The following NRCAM variants were observed in gnomAD, a reference collection of about 807,000 sequenced individuals.
NRCAM encodes NgCAM-related cell adhesion molecule.
NRCAM carries 83 observed loss-of-function variants against 156.5 expected under a neutral mutation model. The ratio of observed to expected loss-of-function variants is 0.53; its 90% CI spans 0.44 to 0.64. The LOEUF (loss-of-function observed/expected upper bound fraction) is 0.64, where lower values mean the gene tolerates loss of function less well. NRCAM is among the 30% of genes least tolerant of loss of function. NRCAM has a pLI of 0.00. For missense variants in NRCAM, 1,417 were observed against 1,597.3 expected (o/e 0.89, Z 1.92); for synonymous variants, 538 against 563.9 (o/e 0.95, Z 0.65).
intron 2 of NRCAM, among the ~76,000 whole-genome samples, chr7:108,359,167 A>G (rs2099530891): frequency 6.6e-6 from 1 of 152,168 alleles, no homozygotes; most frequent in African/African-American, 2.4e-5. Flanking sequence ...CTATTCATCC[A>G]TTCATCCATC....
chr7:108,414,903 T>C (rs1001620801), intron 1 of NRCAM, among the ~76,000 whole-genome samples: 40 of 151,860 alleles, frequency 2.6e-4, no homozygotes, highest in African/African-American at 8.7e-4. Context: ...CTGAAGGACA[T>C]TGGGTTTCCC....
chr7:108,159,283 A>G (rs201499205), intron 32 of NRCAM, 180 bp downstream of exon 32: 26 of 741,252 alleles, frequency 3.5e-5, no homozygotes, highest in Non-Finnish European at 5.9e-5. Context: ...TAGTTTTTCA[A>G]TGAAAAATGA....
intron 3 of NRCAM, among the ~76,000 whole-genome samples, chr7:108,310,500 T>C (rs2098788418): frequency 6.6e-6 from 1 of 152,192 alleles, no homozygotes; most frequent in South Asian, 2.1e-4. Flanking sequence ...GGGATGGGCC[T>C]GAGAGTTTGC....
At chr7:108,275,051 C>T (rs951294824) in intron 3 of NRCAM, among the ~76,000 whole-genome samples, 3 of 152,080 alleles carry the variant, frequency 2.0e-5, no homozygotes, top group Non-Finnish European at 2.9e-5. Context: ...TATTGATTTG[C>T]GTATGTTGAA....
chr7:108,435,960 G>A lies in NRCAM; in HGVS notation c.-332+20283C>T, dbSNP rs375079170. On this transcript the variant is annotated intron_variant, in intron 1 of 32. Transcript: ENST00000379028. ...ATCCTGGCTAACAAGGTAAAACCCC[G>A]TTTCTACTGAAAATACAAAAAAAAT... Among the ~76,000 whole-genome samples the A allele has an allele frequency of 3.9e-5, 6 of 152,198 alleles. No homozygotes were observed. In the East Asian group the frequency reaches 1.2e-3, roughly 30 times the overall value.
At chr7:108,387,297 T>C (rs1435897259) in intron 2 of NRCAM, among the ~76,000 whole-genome samples, 1 of 152,124 alleles carries the variant, frequency 6.6e-6, no homozygotes, top group Non-Finnish European at 1.5e-5. Context: ...AAATTGCAAG[T>C]GATGCATCTT....
chr7:108,335,360 A>T (rs535369036), intron 2 of NRCAM, among the ~76,000 whole-genome samples: 9 of 151,870 alleles, frequency 5.9e-5, no homozygotes, highest in African/African-American at 1.7e-4. Flanking sequence ...AAATAAAGAG[A>T]AGATAAGAGA....
At chr7:108,414,235 T>C (rs993343860) in intron 1 of NRCAM, among the ~76,000 whole-genome samples, 1 of 152,194 alleles carries the variant, frequency 6.6e-6, no homozygotes, top group African/African-American at 2.4e-5. Flanking sequence ...CAAAGTACAG[T>C]GTGATCCCAA....
chr7:108,269,505 A>C lies in NRCAM; in HGVS notation c.-106-29335T>G, dbSNP rs1427009030. Among the ~76,000 whole-genome samples the C allele has an allele frequency of 3.9e-5, 6 of 152,248 alleles. No homozygotes were observed. In the East Asian group the frequency reaches 1.2e-3, roughly 29 times the overall value. On this transcript the variant is annotated intron_variant, in intron 3 of 32. Transcript: ENST00000379028. ...TCACCTTTCATCCAAGTCACGCAGA[A>C]GGAAGGGTCTCACTGGGAGGGAAAG...
At chr7:108,350,348 G>GT (rs1554543013) in intron 2 of NRCAM, among the ~76,000 whole-genome samples, 2 of 152,166 alleles carry the variant, frequency 1.3e-5, no homozygotes, top group Non-Finnish European at 2.9e-5. Context: ...TTCCTTCTCT[G>GT]TAAGTATCTG....
chr7:108,401,835 T>A (rs1470624597), intron 1 of NRCAM, among the ~76,000 whole-genome samples: 1 of 152,238 alleles, frequency 6.6e-6, no homozygotes, highest in Non-Finnish European at 1.5e-5. Flanking sequence ...TGCTCTGCCC[T>A]GATATCTACT....
intron 1 of NRCAM, among the ~76,000 whole-genome samples, chr7:108,409,189 A>G (rs1263401862): frequency 3.3e-5 from 5 of 152,194 alleles, no homozygotes; most frequent in Non-Finnish European, 7.3e-5. Flanking sequence ...GAGAAATGTA[A>G]CCTGCAAAAA....
intron 3 of NRCAM, among the ~76,000 whole-genome samples, chr7:108,247,105 G>A (rs1421251441): frequency 6.6e-6 from 1 of 152,066 alleles, no homozygotes; most frequent in East Asian, 1.9e-4. Context: ...TGAGCTCCCA[G>A]CCAAAAATAG....
chr7:108,295,523 C>T (rs1344008825), intron 3 of NRCAM, among the ~76,000 whole-genome samples: 2 of 152,172 alleles, frequency 1.3e-5, no homozygotes, highest in East Asian at 1.9e-4. Flanking sequence ...GACAGCTCCC[C>T]GGGGCCTCTT....
intron 28 of NRCAM, among the ~76,000 whole-genome samples, chr7:108,174,673 G>A (rs1369933460): frequency 6.6e-6 from 1 of 152,230 alleles, no homozygotes; most frequent in East Asian, 1.9e-4. Context: ...AATCCATTGT[G>A]GATTGTTGGC....
In NRCAM at chr7:108,407,461, A is replaced by G. The variant is rs572404286; in HGVS notation, c.-331-7868T>C. Among the ~76,000 whole-genome samples, 38 of 152,330 alleles carry G rather than the reference A, an allele frequency of 2.5e-4. No homozygotes were observed. In the East Asian group the frequency reaches 6.7e-3, roughly 27 times the overall value. The stretch of plus-strand genomic sequence containing the variant: ...TATATGGAGCATTATTCAACTGTGA[A>G]GTTCCATTTCTCTCATCTAAGATTG... On this transcript the variant is annotated intron_variant, in intron 1 of 32. Coordinates refer to ENST00000379028, the MANE Select transcript of NRCAM (RefSeq NM_001037132.4).
intron 3 of NRCAM, among the ~76,000 whole-genome samples, chr7:108,272,467 C>G (rs898775853): frequency 6.6e-6 from 1 of 152,114 alleles, no homozygotes; most frequent in Non-Finnish European, 1.5e-5. Flanking sequence ...CAAACCTGAC[C>G]AGTTGACGAT....
rs981650822 is a variant in NRCAM, at chr7:108,379,882, C to T, written c.-174+19554G>A. Among the ~76,000 whole-genome samples the T allele has an allele frequency of 9.2e-5, 14 of 152,034 alleles. No individual in the cohort carries two copies. In the South Asian group the frequency reaches 2.9e-3, roughly 32 times the overall value. Reference sequence around the variant, plus strand: ...AAAAGAGAAGTCATAAAAAAAATAACGCACTGGTTTAAATTAGTCTAGTTT... The same window carrying T: ...AAAAGAGAAGTCATAAAAAAAATAATGCACTGGTTTAAATTAGTCTAGTTT... On this transcript the variant is annotated intron_variant, in intron 2 of 32. Transcript: ENST00000379028.
chr7:108,253,339 T>C (rs1188842674), intron 3 of NRCAM, among the ~76,000 whole-genome samples: 1 of 152,048 alleles, frequency 6.6e-6, no homozygotes, highest in African/African-American at 2.4e-5. Flanking sequence ...GTAAGATGTA[T>C]CCAATTGTGT....
Sources: allele counts gnomAD v4.1 joint callset (sites outside exome capture counted in the v4.1 genomes callset), GRCh38; gene constraint gnomAD v4.1.1; transcripts MANE v1.5; gene names NCBI Gene and HGNC (gene_info 2026-07-23, HGNC 2026-07-21).